SSBP3: variants seen among roughly 807,000 people sequenced by gnomAD.
SSBP3 encodes single-stranded DNA-binding protein 3.
SSBP3 carries 5 observed loss-of-function variants against 69.6 expected under a neutral mutation model. The ratio of observed to expected loss-of-function variants is 0.07; its 90% CI spans 0.04 to 0.15. The LOEUF is 0.15. SSBP3 is among the 10% of genes least tolerant of loss of function. The probability of loss-of-function intolerance (pLI) is 1.00; values close to 1 mark genes in which losing one functional copy is unlikely to be tolerated. For synonymous variants in SSBP3, 196 were observed against 193.4 expected, an observed-to-expected ratio of 1.01 and a Z score of -0.11; for missense variants, 312 against 534.0, an observed-to-expected ratio of 0.58 and a Z score of 4.10.
intron 4 of SSBP3, among the ~76,000 whole-genome samples, chr1:54,296,272 T>C (rs17110293): frequency 0.039 from 5,906 of 152,310 alleles, 353 homozygotes; most frequent in African/African-American, 0.13. Flanking sequence ...TGAAAACCTC[T>C]GGAGAGATCT....
intron 4 of SSBP3, among the ~76,000 whole-genome samples, chr1:54,284,016 C>T (rs937817799): frequency 1.3e-5 from 2 of 151,374 alleles, no homozygotes; most frequent in East Asian, 3.9e-4. Flanking sequence ...GTAAGGTAAA[C>T]ATCCATCTAC....
chr1:54,397,729 A>G (rs1021346986), intron 4 of SSBP3, among the ~76,000 whole-genome samples: 1 of 152,210 alleles, frequency 6.6e-6, no homozygotes, highest in African/African-American at 2.4e-5. Context: ...TGGGAATCAG[A>G]GAGGCCTGGG....
In SSBP3 at chr1:54,368,213, G is replaced by T. The variant is rs551751968; in HGVS notation, c.276+33648C>A. 2.7e-5 allele frequency among the ~76,000 whole-genome samples: 4 copies of T among 150,438 alleles called. No homozygotes were observed. The East Asian group carries it at 7.8e-4, about 29-fold the overall frequency. ...CTCAGGAGGCTGAGGCAGAAAAATG[G>T]CATGAACCCGGGAGGCGGAGCTTGC... On this transcript the variant is annotated intron_variant, in intron 4 of 17. Transcript: ENST00000610401.
intron 4 of SSBP3, among the ~76,000 whole-genome samples, chr1:54,319,457 G>A (rs1646174334): frequency 6.6e-6 from 1 of 152,088 alleles, no homozygotes; most frequent in South Asian, 2.1e-4. Context: ...GCCTGTGCTG[G>A]GGGAAGGACG....
chr1:54,396,193 G>GGAAAAAA (rs1168912041), intron 4 of SSBP3, among the ~76,000 whole-genome samples: 12 of 40,580 alleles, frequency 3.0e-4, no homozygotes, highest in African/African-American at 1.2e-3. Context: ...CTCCATCTCA[G>GGAAAAAA]AAAAAAAAAA....
At chr1:54,233,447 G>C (rs1169365060) in intron 14 of SSBP3, among the ~76,000 whole-genome samples, 1 of 152,000 alleles carries the variant, frequency 6.6e-6, no homozygotes, top group Non-Finnish European at 1.5e-5. Flanking sequence ...TGGGAAGTGA[G>C]GAGCGTCTCC....
At chr1:54,358,722 G>C (rs1339710564) in intron 4 of SSBP3, among the ~76,000 whole-genome samples, 3 of 152,218 alleles carry the variant, frequency 2.0e-5, no homozygotes, top group Admixed American at 6.5e-5. Flanking sequence ...AGAGAGGATT[G>C]CAAGTGGGGA....
intron 7 of SSBP3, among the ~76,000 whole-genome samples, chr1:54,255,193 A>G (rs1644900282): frequency 6.6e-6 from 1 of 151,284 alleles, no homozygotes; most frequent in South Asian, 2.1e-4. Context: ...GGTTGGGAAA[A>G]CTGGTGTGTA....
At chr1:54,366,384 A>G (rs1370797373) in intron 4 of SSBP3, among the ~76,000 whole-genome samples, 1 of 152,190 alleles carries the variant, frequency 6.6e-6, no homozygotes, top group Non-Finnish European at 1.5e-5. Flanking sequence ...AAGATACTCT[A>G]GGACTATCAC....
chr1:54,294,142 C>CAAAAA (rs1223376233), intron 4 of SSBP3, among the ~76,000 whole-genome samples: 25 of 40,798 alleles, frequency 6.1e-4, no homozygotes, highest in East Asian at 1.3e-3. Flanking sequence ...GACTCCATCT[C>CAAAAA]AAAAAAAAAA....
intron 4 of SSBP3, among the ~76,000 whole-genome samples, chr1:54,396,229 T>C (rs373968667): frequency 7.5e-6 from 1 of 133,034 alleles, no homozygotes; most frequent in Non-Finnish European, 1.6e-5. Flanking sequence ...ACAACCCCAT[T>C]ACCCCAGCGA....
intron 4 of SSBP3, among the ~76,000 whole-genome samples, chr1:54,389,334 T>C (rs1223129585): frequency 6.6e-6 from 1 of 152,174 alleles, no homozygotes; most frequent in Non-Finnish European, 1.5e-5. Context: ...GCAAACCTTT[T>C]CTTTAAGTCA....
chr1:54,295,483 A>G (rs1214976273), intron 4 of SSBP3, among the ~76,000 whole-genome samples: 1 of 152,158 alleles, frequency 6.6e-6, no homozygotes, highest in Non-Finnish European at 1.5e-5. Context: ...CATCCCACGG[A>G]GCATGCAATA....
intron 4 of SSBP3, among the ~76,000 whole-genome samples, chr1:54,293,299 T>C (rs1645641843): frequency 6.6e-6 from 1 of 151,772 alleles, no homozygotes; most frequent in Non-Finnish European, 1.5e-5. Context: ...GGGTGGGGCC[T>C]GGGAGGATCG....
chr1:54,279,128 C>T (rs1645344661), intron 5 of SSBP3, among the ~76,000 whole-genome samples: 1 of 152,176 alleles, frequency 6.6e-6, no homozygotes, highest in Admixed American at 6.5e-5. Context: ...CACCCAACGT[C>T]ACCCAGGAAG....
rs1043752296 is a variant in SSBP3 at position 54,258,311 on chromosome 1, C to T, written c.367-162G>A. On this transcript the variant is annotated intron_variant, in intron 5 of 17. Transcript: ENST00000610401. The surrounding 1 kb of genome is among the most constrained non-coding windows in gnomAD (Gnocchi z 4.5). Reference sequence around the variant, plus strand: ...GAGGTGGTGGAGCTGCTGCTTTGGTCGCCGGCTCAACGGTGTAAAACGGCG... The same window carrying T: ...GAGGTGGTGGAGCTGCTGCTTTGGTTGCCGGCTCAACGGTGTAAAACGGCG... Among the ~76,000 whole-genome samples the T allele has an allele frequency of 1.3e-5, 2 of 151,590 alleles. No homozygotes were observed. Among genetic ancestry groups the T allele is most frequent in the Admixed American group, 6.6e-5 (1 of 15,226 alleles).
chr1:54,402,624 T>C (rs1317884474), intron 3 of SSBP3, among the ~76,000 whole-genome samples: 1 of 147,686 alleles, frequency 6.8e-6, no homozygotes, highest in Non-Finnish European at 1.5e-5. Flanking sequence ...GGACAGGTCA[T>C]GGACAACCAA....
intron 14 of SSBP3, among the ~76,000 whole-genome samples, chr1:54,232,304 AT>A (rs1470523544): frequency 6.6e-6 from 1 of 152,186 alleles, no homozygotes; most frequent in African/African-American, 2.4e-5. Context: ...TATTACATTA[AT>A]TATTTTTTAG....
chr1:54,242,076 C>G (rs144521385), intron 11 of SSBP3, 88 bp downstream of exon 11: 2 of 1,475,400 alleles, frequency 1.4e-6, no homozygotes, highest in Non-Finnish European at 1.9e-6. Flanking sequence ...TCCCACTTCC[C>G]GTGACACCTA....
Sources: allele counts gnomAD v4.1 joint callset (sites outside exome capture counted in the v4.1 genomes callset), GRCh38; gene constraint gnomAD v4.1.1; non-coding constraint Gnocchi (gnomAD v3.1); transcripts MANE v1.5; gene names NCBI Gene and HGNC (gene_info 2026-07-23, HGNC 2026-07-21).